The following LANCL1 variants were observed in gnomAD, a reference collection of about 807,000 sequenced individuals.
LANCL1 encodes the protein LanC like glutathione S-transferase 1.
Under a neutral mutation model 50.6 loss-of-function variants are expected in LANCL1, and 50 were observed. The observed-to-expected ratio is 0.99, with a 90% confidence interval of 0.79 to 1.25. The LOEUF is 1.25. Ranked by LOEUF, LANCL1 falls within the 50% of genes most tolerant of loss-of-function variation. The pLI is 0.00. For synonymous variants in LANCL1, 188 were observed against 178.6 expected (o/e 1.05, Z -0.42); for missense variants, 532 against 480.7 (o/e 1.11, Z -1.00).
chr2:210,453,023 A>G (rs1251140667), intron 4 of LANCL1, among the ~76,000 whole-genome samples: 1 of 152,144 alleles, frequency 6.6e-6, no homozygotes, highest in Non-Finnish European at 1.5e-5. Context: ...GATAAAGCAA[A>G]CTCCGTAACT....
chr2:210,475,959 AG>A (rs1315597730), intron 2 of LANCL1, among the ~76,000 whole-genome samples: 6 of 152,206 alleles, frequency 3.9e-5, no homozygotes, highest in African/African-American at 1.4e-4. Context: ...ATAATCACAA[AG>A]GAGTAACACG....
At chr2:210,451,481 A>C (rs1693510017) in intron 4 of LANCL1, among the ~76,000 whole-genome samples, 1 of 152,216 alleles carries the variant, frequency 6.6e-6, no homozygotes, top group African/African-American at 2.4e-5. Context: ...ATAACAACAA[A>C]AAAGTAGAAG....
chr2:210,461,259 C>A (rs144280594), intron 3 of LANCL1, among the ~76,000 whole-genome samples: 2 of 151,990 alleles, frequency 1.3e-5, no homozygotes, highest in Admixed American at 1.3e-4. Context: ...ATGAATCCAG[C>A]GTAAATCCAT....
At chr2:210,476,851 G>T, upstream of LANCL1, 1 of 981,544 alleles carries the variant, frequency 1.0e-6, no homozygotes, top group Non-Finnish European at 1.2e-6. Context: ...ACACAGGCGT[G>T]TAATTTCTAA....
chr2:210,475,293 G>A (rs1392771976), intron 2 of LANCL1, among the ~76,000 whole-genome samples: 4 of 152,114 alleles, frequency 2.6e-5, no homozygotes, highest in Admixed American at 6.5e-5. Flanking sequence ...TTTTTAAAGC[G>A]TGTGCCTTGT....
intron 4 of LANCL1, among the ~76,000 whole-genome samples, chr2:210,443,514 G>A (rs1164807147): frequency 4.6e-5 from 7 of 152,142 alleles, no homozygotes; most frequent in Non-Finnish European, 1.0e-4. Flanking sequence ...GGTAGCTTTC[G>A]ACACTAAATC....
chr2:210,437,200 CTATTT>C (rs1436947332), intron 7 of LANCL1, among the ~76,000 whole-genome samples: 2 of 152,040 alleles, frequency 1.3e-5, no homozygotes, highest in Non-Finnish European at 2.9e-5. Flanking sequence ...CCTTTTATAT[CTATTT>C]ATTTCACTTA....
intron 7 of LANCL1, 132 bp from the exon 8 acceptor site, chr2:210,436,524 G>T: frequency 1.2e-6 from 1 of 821,358 alleles, no homozygotes; most frequent in Non-Finnish European, 1.9e-6. Context: ...GTGACAGAGG[G>T]ATGTGTTATG....
In LANCL1 at chr2:210,453,449, C is replaced by T. The variant is rs143416456; in HGVS notation, c.407+1658G>A. ...CAAGCTACAGAAGAAGCTAAGCAGC[C>T]GGTAAAGACACATATTTAATTTTGT... is the stretch of plus-strand genomic sequence containing the variant. On this transcript the variant is annotated intron_variant, in intron 4 of 9. Transcript: ENST00000450366. Among the ~76,000 whole-genome samples the T allele has an allele frequency of 9.9e-4, 150 of 152,210 alleles. No homozygotes were observed. In the East Asian group the frequency reaches 0.01, roughly 10 times the overall value.
At chr2:210,441,485 C>G (rs746223296) in intron 4 of LANCL1, 42 bp from the exon 5 acceptor site, 1 of 1,560,578 alleles carries the variant, frequency 6.4e-7, no homozygotes, top group South Asian at 1.2e-5. Flanking sequence ...TGAAAGGAAC[C>G]AGGTATTGGT....
chr2:210,437,954 G>A (rs1203534830), intron 6 of LANCL1, 82 bp from the exon 7 acceptor site: 1 of 988,868 alleles, frequency 1.0e-6, no homozygotes. Context: ...CAGAAAAAAA[G>A]CATGGCTAAG....
intron 3 of LANCL1, among the ~76,000 whole-genome samples, chr2:210,465,876 G>A (rs1179692779): frequency 6.6e-6 from 1 of 152,154 alleles, no homozygotes; most frequent in Admixed American, 6.5e-5. Context: ...AGCCACAAAG[G>A]ACATGCATTA....
intron 3 of LANCL1, among the ~76,000 whole-genome samples, chr2:210,463,941 G>C (rs1346229383): frequency 1.3e-5 from 2 of 152,200 alleles, no homozygotes; most frequent in Non-Finnish European, 2.9e-5. Flanking sequence ...AATGACGTTT[G>C]AGTTCTATTA....
chr2:210,470,711 T>G (rs529030434), intron 3 of LANCL1, among the ~76,000 whole-genome samples: 1 of 152,170 alleles, frequency 6.6e-6, no homozygotes, highest in Non-Finnish European at 1.5e-5. Flanking sequence ...TTGCTATTAT[T>G]AATAAATTTC....
intron 3 of LANCL1, among the ~76,000 whole-genome samples, chr2:210,462,832 C>A (rs1693904962): frequency 6.6e-6 from 1 of 152,168 alleles, no homozygotes; most frequent in South Asian, 2.1e-4. Context: ...TCCTTTCATA[C>A]TTTATCAGGG....
At chr2:210,438,615 T>C (rs1300495045) in intron 6 of LANCL1, among the ~76,000 whole-genome samples, 2 of 152,128 alleles carry the variant, frequency 1.3e-5, no homozygotes, top group African/African-American at 2.4e-5. Flanking sequence ...CGTTATTACA[T>C]TTAGAGAAGA....
At chr2:210,467,187 C>T (rs1694090456) in intron 3 of LANCL1, among the ~76,000 whole-genome samples, 1 of 152,168 alleles carries the variant, frequency 6.6e-6, no homozygotes. Flanking sequence ...TCATTTCTGA[C>T]ACGGATTCGT....
chr2:210,455,182 G>A lies in LANCL1; in HGVS notation c.332C>T (p.Ala111Val). ...CACAGCGGCCACTGCCAGGGGGCCT[G>A]CATCCCCACAAAGGAAGGTGATGGA... ...KRSITFLCGD[A>V]GPLAVAAVLY... The change falls in exon 4 of 10, where the codon GCA (alanine) becomes GTA (valine). Residue 111 changes from alanine (A) to valine (V), a missense_variant. Transcript: ENST00000450366. 1 of 1,613,764 alleles carries A rather than the reference G, an allele frequency of 6.2e-7. No homozygotes were observed. The highest frequency in any genetic ancestry group is 8.5e-7 in the Non-Finnish European group (1 of 1,179,754).
At chr2:210,466,366 G>A (rs1166437514) in intron 3 of LANCL1, among the ~76,000 whole-genome samples, 5 of 152,126 alleles carry the variant, frequency 3.3e-5, no homozygotes, top group African/African-American at 4.8e-5. Context: ...AGATAAAAGT[G>A]ACTCCATCTT....
Sources: allele counts gnomAD v4.1 joint callset (sites outside exome capture counted in the v4.1 genomes callset), GRCh38; gene constraint gnomAD v4.1.1; transcripts MANE v1.5; gene names NCBI Gene and HGNC (gene_info 2026-07-23, HGNC 2026-07-21).